The following GABBR2 variants were observed in gnomAD, a reference collection of about 807,000 sequenced individuals.
GABBR2 encodes the protein gamma-aminobutyric acid type B receptor subunit 2.
GABBR2 carries 23 observed loss-of-function variants against 105.6 expected under a neutral mutation model. The observed-to-expected ratio is 0.22, with a 90% CI of 0.16 to 0.31. GABBR2 has a LOEUF of 0.31. Among genes scored for constraint, GABBR2 ranks in the 10% least tolerant of loss-of-function variants. The probability of loss-of-function intolerance (pLI) is 1.00; values close to 1 mark genes in which losing one functional copy is unlikely to be tolerated. For synonymous variants in GABBR2, 478 were observed against 499.7 expected, an observed-to-expected ratio of 0.96 and a Z score of 0.58; for missense variants, 734 against 1,245.5, an observed-to-expected ratio of 0.59 and a Z score of 6.18.
chr9:98,656,070 GA>G (rs1193395688), intron 1 of GABBR2, among the ~76,000 whole-genome samples: 13 of 152,328 alleles, frequency 8.5e-5, no homozygotes, highest in African/African-American at 3.1e-4. Flanking sequence ...TTTAAGTTAT[GA>G]AAATATGGCT....
chr9:98,386,490 T>C (rs1349302077), intron 10 of GABBR2, among the ~76,000 whole-genome samples: 1 of 152,158 alleles, frequency 6.6e-6, no homozygotes, highest in Non-Finnish European at 1.5e-5. Context: ...ACCCACCCAC[T>C]ACCCCTGTCT....
In GABBR2 at chr9:98,343,727, G is replaced by T. The variant is rs188380129; in HGVS notation, c.1893+18988C>A. ...ACAAAAATTAGCCGGGTATGGTGGCGGACGCCTGTAGTCCCAGCTACTCAG... is the reference window on the plus strand; with the variant it reads ...ACAAAAATTAGCCGGGTATGGTGGCTGACGCCTGTAGTCCCAGCTACTCAG... On this transcript the variant is annotated intron_variant, in intron 13 of 18. Transcript: ENST00000259455. Among the ~76,000 whole-genome samples, 400 of 152,092 alleles carry T rather than the reference G, an allele frequency of 2.6e-3. 1 individual carries two copies. Among genetic ancestry groups the T allele is most frequent in the African/African-American group, 8.8e-3 (367 of 41,486 alleles).
At chr9:98,649,528 CT>C (rs1217696315) in intron 1 of GABBR2, among the ~76,000 whole-genome samples, 1 of 152,186 alleles carries the variant, frequency 6.6e-6, no homozygotes, top group Non-Finnish European at 1.5e-5. Context: ...CTTCATTTTC[CT>C]TTTACCCAAA....
intron 11 of GABBR2, among the ~76,000 whole-genome samples, chr9:98,381,717 A>G (rs1221408941): frequency 1.3e-5 from 2 of 152,178 alleles, no homozygotes; most frequent in Non-Finnish European, 2.9e-5. Flanking sequence ...ATTAATTCTC[A>G]GGGGCAGCAA....
chr9:98,333,650 C>T (rs1032099527), intron 13 of GABBR2, among the ~76,000 whole-genome samples: 2 of 152,194 alleles, frequency 1.3e-5, no homozygotes, highest in Non-Finnish European at 2.9e-5. Flanking sequence ...AGACCCTTAA[C>T]ATAATGACAT....
intron 9 of GABBR2, among the ~76,000 whole-genome samples, chr9:98,390,132 T>C (rs758586543): frequency 1.8e-4 from 27 of 152,138 alleles, no homozygotes; most frequent in Non-Finnish European, 3.5e-4. Flanking sequence ...CCCAGCACTT[T>C]GGGAGGCCAA....
At chr9:98,449,187 T>C (rs1280682840) in intron 7 of GABBR2, among the ~76,000 whole-genome samples, 1 of 152,218 alleles carries the variant, frequency 6.6e-6, no homozygotes, top group African/African-American at 2.4e-5. Context: ...TTGCAATTAT[T>C]GATCCAGCAA....
intron 8 of GABBR2, among the ~76,000 whole-genome samples, chr9:98,398,729 T>C (rs1228057183): frequency 6.6e-6 from 1 of 152,136 alleles, no homozygotes; most frequent in African/African-American, 2.4e-5. Context: ...CCCATCCCAA[T>C]CTGCTCCCTC....
intron 7 of GABBR2, among the ~76,000 whole-genome samples, chr9:98,421,157 G>A (rs1832776835): frequency 6.6e-6 from 1 of 152,182 alleles, no homozygotes; most frequent in Non-Finnish European, 1.5e-5. Flanking sequence ...GGGAAACAGT[G>A]ATATTTAACA....
chr9:98,692,592 A>G (rs1830696892), intron 1 of GABBR2, among the ~76,000 whole-genome samples: 1 of 152,210 alleles, frequency 6.6e-6, no homozygotes, highest in African/African-American at 2.4e-5. Flanking sequence ...CAGCAGGACC[A>G]CAGACCCCAT....
chr9:98,427,045 A>G (rs1432261211), intron 7 of GABBR2, among the ~76,000 whole-genome samples: 1 of 152,184 alleles, frequency 6.6e-6, no homozygotes, highest in Non-Finnish European at 1.5e-5. Flanking sequence ...CAAAAAAGGA[A>G]AGAGAAATGG....
chr9:98,316,868 C>T (rs980060769), intron 13 of GABBR2, among the ~76,000 whole-genome samples: 1 of 152,140 alleles, frequency 6.6e-6, no homozygotes, highest in African/African-American at 2.4e-5. Context: ...GTAACTTGCC[C>T]AAGATCTCCA....
At chr9:98,568,119 AC>A (rs757602066) in intron 2 of GABBR2, among the ~76,000 whole-genome samples, 3 of 151,882 alleles carry the variant, frequency 2.0e-5, no homozygotes, top group Non-Finnish European at 4.4e-5. Context: ...CCACATCTCC[AC>A]CCCTTCCACC....
intron 6 of GABBR2, among the ~76,000 whole-genome samples, chr9:98,472,074 T>C (rs569545006): frequency 3.5e-4 from 54 of 152,288 alleles, no homozygotes; most frequent in African/African-American, 1.1e-3. Context: ...TACATAAAAT[T>C]ATATACATAT....
At position 98,346,159 on chromosome 9, in the gene GABBR2, G is replaced by A. The variant is rs558672034; in HGVS notation, c.1893+16556C>T. 2.0e-5 allele frequency among the ~76,000 whole-genome samples: 3 copies of A among 152,310 alleles called. No homozygotes were observed. The South Asian group carries it at 6.2e-4, about 32-fold the overall frequency. ...ATTTCTTAAGATAATAACGGAGTCT[G>A]CTGCATTGATTGATTCTGCTTTTCG... On this transcript the variant is annotated intron_variant, in intron 13 of 18. Transcript: ENST00000259455.
At chr9:98,468,987 A>C (rs1238272161) in intron 6 of GABBR2, among the ~76,000 whole-genome samples, 2 of 152,168 alleles carry the variant, frequency 1.3e-5, no homozygotes, top group African/African-American at 2.4e-5. Flanking sequence ...CTGCTGGATG[A>C]TTGTATTAGA....
intron 1 of GABBR2, among the ~76,000 whole-genome samples, chr9:98,658,443 T>C (rs1571929): frequency 0.81 from 123,635 of 151,960 alleles, 50,403 homozygotes; most frequent in Middle Eastern, 0.9. Context: ...TGGTGTGACC[T>C]GGCTAACTCA....
intron 3 of GABBR2, among the ~76,000 whole-genome samples, chr9:98,502,599 A>C (rs957497326): frequency 6.6e-6 from 1 of 152,018 alleles, no homozygotes; most frequent in African/African-American, 2.4e-5. Flanking sequence ...CCTGCTACCC[A>C]CAGGTAGGGC....
chr9:98,574,024 G>C (rs1347203003), intron 2 of GABBR2, among the ~76,000 whole-genome samples: 3 of 152,192 alleles, frequency 2.0e-5, no homozygotes, highest in Non-Finnish European at 2.9e-5. Context: ...CTGAAGGAAA[G>C]GGGGAAAAGA....
Sources: gnomAD v4.1 joint callset for allele counts (sites outside exome capture counted in the v4.1 genomes callset) on GRCh38, gnomAD v4.1.1 for gene constraint, MANE v1.5 for transcripts, NCBI Gene and HGNC (gene_info 2026-07-23, HGNC 2026-07-21) for gene names.